The following PRIM2 variants were observed in gnomAD, a reference collection of about 807,000 sequenced individuals.
PRIM2 encodes DNA primase large subunit.
A neutral mutation model predicts 67.3 loss-of-function variants in PRIM2; 39 were observed. That is an observed-to-expected ratio of 0.58 (90% confidence interval 0.45 to 0.76). The LOEUF is 0.76. Ranked by LOEUF, PRIM2 falls within the 30% of genes least tolerant of loss-of-function variation. The probability of loss-of-function intolerance (pLI) is 0.00; values close to 1 mark genes in which losing one functional copy is unlikely to be tolerated. For synonymous variants in PRIM2, 143 were observed against 198.7 expected (o/e 0.72, Z 2.36); for missense variants, 398 against 598.7 (o/e 0.66, Z 3.50).
At chr6:57,632,875 C>A (rs1272461592) in intron 13 of PRIM2, among the ~76,000 whole-genome samples, 1 of 152,230 alleles carries the variant, frequency 6.6e-6, no homozygotes, top group Admixed American at 6.5e-5. Context: ...GGACCCCTAA[C>A]TATACACGAG....
intron 5 of PRIM2, among the ~76,000 whole-genome samples, chr6:57,334,805 T>C (rs1007891163): frequency 1.3e-5 from 2 of 152,158 alleles, no homozygotes; most frequent in Non-Finnish European, 2.9e-5. Flanking sequence ...TATGCCTGTA[T>C]TGTGAAGAAG....
At chr6:57,588,550 C>A (rs1328195010) in intron 10 of PRIM2, among the ~76,000 whole-genome samples, 19 of 151,660 alleles carry the variant, frequency 1.3e-4, no homozygotes, top group African/African-American at 4.4e-4. Context: ...TCCTCTTGAG[C>A]ACTGGGCAAT....
At chr6:57,310,545 G>A (rs147044748), upstream of PRIM2, among the ~76,000 whole-genome samples, 77 of 152,370 alleles carry the variant, frequency 5.1e-4, no homozygotes, top group African/African-American at 1.7e-3. Flanking sequence ...ATCATGGCCC[G>A]TTCTGGATGA....
At chr6:57,315,467 G>A (rs1355772983), upstream of PRIM2, among the ~76,000 whole-genome samples, 4 of 152,216 alleles carry the variant, frequency 2.6e-5, no homozygotes, top group Non-Finnish European at 5.9e-5. Context: ...AGAGCCTCAG[G>A]GGTTTAAATG....
At position 57,354,048 on chromosome 6, in the gene PRIM2, CTT is replaced by C. The variant is rs1332872098; in HGVS notation, c.460-25851_460-25850del. 7.9e-5 allele frequency among the ~76,000 whole-genome samples: 12 copies of C among 152,310 alleles called. No homozygotes were observed. The East Asian group carries it at 2.3e-3, about 29-fold the overall frequency. ...TTTGCTATTTTTTTGTACTCTTTCT[CTT>C]TCTTCGTTTCACAAAGAAGGTTGAC... On this transcript the variant is annotated intron_variant, in intron 5 of 13. Coordinates refer to ENST00000615550, the MANE Select transcript of PRIM2 (RefSeq NM_000947.5).
chr6:57,227,663 GAATA>G, the PRIM2 span, among the ~76,000 whole-genome samples: 7 of 116,962 alleles, frequency 6.0e-5, no homozygotes, highest in Admixed American at 6.0e-4. Flanking sequence ...AAAAAAAAAA[GAATA>G]AATAAATTCT....
chr6:57,472,605 A>G (rs1308255717), intron 7 of PRIM2, among the ~76,000 whole-genome samples: 1 of 151,968 alleles, frequency 6.6e-6, no homozygotes, highest in Non-Finnish European at 1.5e-5. Context: ...ATTTTTCTTG[A>G]TTTGTATTTT....
chr6:57,450,385 G>A (rs1229428934), intron 7 of PRIM2, among the ~76,000 whole-genome samples: 2 of 152,132 alleles, frequency 1.3e-5, no homozygotes, highest in Non-Finnish European at 2.9e-5. Flanking sequence ...CTTCACTACT[G>A]TACCATAGTT....
chr6:57,357,932 G>A (rs557463793), intron 5 of PRIM2, among the ~76,000 whole-genome samples: 1 of 152,032 alleles, frequency 6.6e-6, no homozygotes, highest in Non-Finnish European at 1.5e-5. Context: ...GTTATCACCC[G>A]CCTGTCTTGA....
chr6:57,433,962 T>C (rs1385466094), intron 7 of PRIM2, among the ~76,000 whole-genome samples: 11 of 151,034 alleles, frequency 7.3e-5, no homozygotes, highest in Non-Finnish European at 1.3e-4. Context: ...TTCGCTCTTG[T>C]TGCCCAGGCT....
chr6:57,427,507 G>A (rs1161021017), intron 7 of PRIM2, among the ~76,000 whole-genome samples: 22 of 152,146 alleles, frequency 1.4e-4, no homozygotes, highest in Middle Eastern at 3.4e-3. Flanking sequence ...TAGTGAGGAC[G>A]GAGTTTCACC....
chr6:57,436,124 C>T (rs1772004049), intron 7 of PRIM2, among the ~76,000 whole-genome samples: 1 of 152,074 alleles, frequency 6.6e-6, no homozygotes, highest in Non-Finnish European at 1.5e-5. Context: ...TTTATCTCTT[C>T]CTTGGATTCA....
At chr6:57,387,604 A>T (rs740925) in intron 7 of PRIM2, among the ~76,000 whole-genome samples, 1 of 152,164 alleles carries the variant, frequency 6.6e-6, no homozygotes, top group African/African-American at 2.4e-5. Flanking sequence ...AAAATATTCA[A>T]AGGTAAGTAT....
At chr6:57,311,339 C>T (rs1562686798), upstream of PRIM2, among the ~76,000 whole-genome samples, 2 of 150,302 alleles carry the variant, frequency 1.3e-5, no homozygotes, top group African/African-American at 4.9e-5. Flanking sequence ...AGAGGCGCTC[C>T]TCACTTCCTC....
At chr6:57,344,837 C>G (rs1768616728) in intron 5 of PRIM2, among the ~76,000 whole-genome samples, 1 of 152,010 alleles carries the variant, frequency 6.6e-6, no homozygotes, top group South Asian at 2.1e-4. Context: ...AATCAACCTA[C>G]AAAATTAGAT....
the PRIM2 span, among the ~76,000 whole-genome samples, chr6:57,245,079 G>A: frequency 3.3e-5 from 5 of 152,018 alleles, no homozygotes; most frequent in African/African-American, 1.2e-4. Flanking sequence ...CCTACATTGA[G>A]GCCTTCCTCT....
rs1554347069 is a variant in PRIM2, at chr6:57,503,576, C to A, written c.694-3811C>A. Among the ~76,000 whole-genome samples the A allele has an allele frequency of 2.0e-3, 306 of 152,156 alleles. 3 individuals carry two copies. The highest frequency in any genetic ancestry group is 3.4e-3 in the Non-Finnish European group (231 of 68,004). On this transcript the variant is annotated intron_variant, in intron 7 of 13. Coordinates refer to ENST00000615550, the MANE Select transcript of PRIM2 (RefSeq NM_000947.5). ...CCAGCCTGGACAACATGGTGAAACC[C>A]CATCTCTATTAAAAATACAGAAATT...
At chr6:57,386,510 G>T (rs1316401867) in intron 7 of PRIM2, among the ~76,000 whole-genome samples, 1 of 151,796 alleles carries the variant, frequency 6.6e-6, no homozygotes, top group Non-Finnish European at 1.5e-5. Flanking sequence ...TCTGGCCTTG[G>T]TGTCTTGGAT....
At chr6:57,306,287 G>T in the PRIM2 span, among the ~76,000 whole-genome samples, 1 of 152,270 alleles carries the variant, frequency 6.6e-6, no homozygotes, top group African/African-American at 2.4e-5. Context: ...ACCCAAGTGA[G>T]AGGGCCAGAC....
Sources: gnomAD v4.1 joint callset for allele counts (sites outside exome capture counted in the v4.1 genomes callset) on GRCh38, gnomAD v4.1.1 for gene constraint, MANE v1.5 for transcripts, NCBI Gene and HGNC (gene_info 2026-07-23, HGNC 2026-07-21) for gene names.